Variants in PIEZO1 observed in about 807,000 individuals in gnomAD.
PIEZO1 encodes piezo-type mechanosensitive ion channel component 1.
In PIEZO1, 296 loss-of-function variants were observed where a neutral mutation model predicts 297.2. The observed-to-expected ratio is 1.00, with a 90% CI of 0.91 to 1.10. The LOEUF (loss-of-function observed/expected upper bound fraction) is 1.10. PIEZO1 is among the 50% of genes least tolerant of loss of function. The pLI, the probability that PIEZO1 is intolerant of heterozygous loss-of-function variation, is 0.00. For synonymous variants in PIEZO1, 2,427 were observed against 1,507.5 expected, an observed-to-expected ratio of 1.61 and a Z score of -14.13; for missense variants, 5,018 against 3,455.5, an observed-to-expected ratio of 1.45 and a Z score of -11.34.
chr16:88,719,729 C>A lies in PIEZO1; in HGVS notation c.6324-8G>T. On this transcript the variant is annotated splice_polypyrimidine_tract_variant and splice_region_variant and intron_variant, in intron 43 of 50. Transcript: ENST00000301015. The stretch of plus-strand genomic sequence containing the variant: ...AACGGCACCAGCCGGAACCTGCCCA[C>A]AGCCAGGGTTCCCGTCAGGTGGGCT... The A allele has an allele frequency of 6.4e-7, 1 of 1,550,648 alleles. No homozygotes were observed. The highest frequency in any genetic ancestry group is 8.7e-7 in the Non-Finnish European group (1 of 1,147,018).
chr16:88,732,735 G>A lies in PIEZO1; in HGVS notation c.2665-3C>T. ...AAGTTGGTGCTGTTGGGGAAGGGCT[G>A]GCAAGAGGCCAGGCATCAGTGCCCC... is the stretch of plus-strand genomic sequence containing the variant. On this transcript the variant is annotated splice_polypyrimidine_tract_variant and splice_region_variant and intron_variant, in intron 19 of 50. Coordinates refer to ENST00000301015, the MANE Select transcript of PIEZO1 (RefSeq NM_001142864.4). The A allele has an allele frequency of 3.2e-6, 5 of 1,543,406 alleles. No individual in the cohort carries two copies. Among genetic ancestry groups the A allele is most frequent in the Non-Finnish European group, 3.5e-6 (4 of 1,142,872 alleles).
intron 1 of PIEZO1, among the ~76,000 whole-genome samples, chr16:88,752,009 T>C (rs1381708609): frequency 6.6e-6 from 1 of 152,184 alleles, no homozygotes; most frequent in Non-Finnish European, 1.5e-5. Context: ...GTCAGAAGCG[T>C]AGGTCCTGGG....
intron 20 of PIEZO1, 25 bp downstream of exon 20, chr16:88,732,582 G>T: frequency 1.3e-6 from 2 of 1,543,532 alleles, no homozygotes; most frequent in Non-Finnish European, 1.8e-6. Context: ...CGCCCGCCCA[G>T]CCGCCCACCA....
intron 1 of PIEZO1, among the ~76,000 whole-genome samples, chr16:88,768,709 G>A (rs1235693105): frequency 6.6e-6 from 1 of 152,176 alleles, no homozygotes; most frequent in Non-Finnish European, 1.5e-5. Context: ...GCCCTTCCTG[G>A]CAGTGAGGGG....
chr16:88,737,428 G>A, intron 10 of PIEZO1, 131 bp downstream of exon 10: 1 of 632,852 alleles, frequency 1.6e-6, no homozygotes, highest in Non-Finnish European at 2.7e-6. Flanking sequence ...TGGATGTCCT[G>A]GGCCCCCGAG....
intron 1 of PIEZO1, among the ~76,000 whole-genome samples, chr16:88,764,284 C>T (rs548713928): frequency 1.2e-4 from 19 of 152,270 alleles, no homozygotes; most frequent in Admixed American, 2.0e-4. Context: ...AATGCCCTCC[C>T]GGCGCCCAGG....
chr16:88,730,084 G>A (rs1904699164), intron 22 of PIEZO1, among the ~76,000 whole-genome samples: 1 of 152,256 alleles, frequency 6.6e-6, no homozygotes, highest in Non-Finnish European at 1.5e-5. Flanking sequence ...CGGGGAGCTG[G>A]CCTCGGTGAT....
intron 10 of PIEZO1, 33 bp downstream of exon 10, chr16:88,737,526 A>T (rs11643304): frequency 5.1e-5 from 73 of 1,428,078 alleles, no homozygotes; most frequent in Non-Finnish European, 6.5e-5. Context: ...CGCCCCCCGC[A>T]CCCAGCCATA....
In PIEZO1 at chr16:88,742,094, G is replaced by C; in HGVS notation, c.285C>G (p.Cys95Trp). ...PRLDQLLGPS[C>W]SRWETLSRHI... ...GTCGCGAGAGGGTCTCCCAGCGGCT[G>C]CCTGCAGAGAAAGACGGGGGAACCC... The change falls in exon 4 of 51, where the codon TGC (cysteine) becomes TGG (tryptophan). Residue 95 changes from cysteine (C) to tryptophan (W), a missense_variant and splice_region_variant. Coordinates refer to ENST00000301015, the MANE Select transcript of PIEZO1 (RefSeq NM_001142864.4). 1 of 1,535,946 alleles carries C rather than the reference G, an allele frequency of 6.5e-7. No homozygotes were observed. The highest frequency in any genetic ancestry group is 8.7e-7 in the Non-Finnish European group (1 of 1,146,752).
At chr16:88,723,434 G>A (rs1904299313) in intron 31 of PIEZO1, 106 bp from the exon 32 acceptor site, 2 of 1,296,958 alleles carry the variant, frequency 1.5e-6, no homozygotes, top group Admixed American at 2.1e-5. Context: ...CCTGCTCTGT[G>A]TCTCCCAGGG....
At chr16:88,721,769 G>C (rs769142353) in intron 37 of PIEZO1, 39 bp downstream of exon 37, 9 of 1,535,242 alleles carry the variant, frequency 5.9e-6, no homozygotes, top group Non-Finnish European at 7.9e-6. Context: ...GTCACGGCGC[G>C]GTGGGCCGGG....
At chr16:88,762,099 G>T (rs1017196273) in intron 1 of PIEZO1, among the ~76,000 whole-genome samples, 1 of 152,200 alleles carries the variant, frequency 6.6e-6, no homozygotes, top group Non-Finnish European at 1.5e-5. Context: ...CAGGAAGGAC[G>T]CAGGTCCCGG....
rs562303097 is a variant in PIEZO1 at position 88,738,083 on chromosome 16, C to G, written c.871G>C (p.Val291Leu). The G allele has an allele frequency of 2.0e-6, 3 of 1,535,852 alleles. No homozygotes were observed. In the African/African-American group the frequency reaches 4.1e-5, roughly 21 times the overall value. Reference protein sequence around the residue: ...WARVLGLKDFVGPTNCSSPHA... With the variant: ...WARVLGLKDFLGPTNCSSPHA... ...GGGCTGGAGCAGTTGGTGGGACCCA[C>G]GAAGTCCTTGAGACCCAGCACCCTG... Residue 291 changes from valine to leucine, a missense_variant, in exon 8 of 51, where the codon GTG (valine) becomes CTG (leucine). Coordinates refer to ENST00000301015, the MANE Select transcript of PIEZO1 (RefSeq NM_001142864.4).
chr16:88,716,519 G>C (rs1335024637), intron 47 of PIEZO1, 36 bp from the exon 48 acceptor site: 2 of 1,537,848 alleles, frequency 1.3e-6, no homozygotes, highest in Non-Finnish European at 1.8e-6. Flanking sequence ...CACTGTAGTG[G>C]GTCCACCCAC....
At position 88,737,586 on chromosome 16, in the gene PIEZO1, C is replaced by T. The variant is rs774509948; in HGVS notation, c.1168G>A (p.Gly390Ser). The T allele has an allele frequency of 5.9e-6, 9 of 1,534,368 alleles. No homozygotes were observed. The highest frequency in any genetic ancestry group is 3.8e-4 in the Middle Eastern group (2 of 5,268). ...ADNCIVHELT[G>S]QSSVLRRPVR... ...GGCCGCCGCAGGACGGAGCTCTGGC[C>T]GGTCAGCTCGTGCACGATGCAGTTA... The change falls in exon 10 of 51, where the codon GGC (glycine) becomes AGC (serine). Residue 390 changes from glycine (G) to serine (S), a missense_variant. Transcript: ENST00000301015.
chr16:88,739,090 G>A (rs1905458865), intron 5 of PIEZO1: 2 of 257,942 alleles, frequency 7.8e-6, no homozygotes. Context: ...ACGCACCCAG[G>A]GAGCAGCGGG....
At chr16:88,724,344 A>C (rs532900064) in intron 30 of PIEZO1, among the ~76,000 whole-genome samples, 1 of 152,124 alleles carries the variant, frequency 6.6e-6, no homozygotes, top group South Asian at 2.1e-4. Context: ...CAGCCTGGCC[A>C]ATATGGTGAA....
In PIEZO1 at chr16:88,738,029, C is replaced by G; in HGVS notation, c.925G>C (p.Asp309His). Residue 309 changes from aspartate to histidine, a missense_variant, in exon 8 of 51, where the codon GAC becomes CAC. Coordinates refer to ENST00000301015, the MANE Select transcript of PIEZO1 (RefSeq NM_001142864.4). Reference sequence around the variant, plus strand: ...CCGGGGCTGGCATACACAGGCCAGTCCAGGCCGGTGTTGAGGACCAGCGCG... The same window carrying G: ...CCGGGGCTGGCATACACAGGCCAGTGCAGGCCGGTGTTGAGGACCAGCGCG... Reference protein sequence around the residue: ...PHALVLNTGLDWPVYASPGVL... With the variant: ...PHALVLNTGLHWPVYASPGVL... 1 of 1,535,722 alleles carries G rather than the reference C, an allele frequency of 6.5e-7. No homozygotes were observed. The highest frequency in any genetic ancestry group is 8.7e-7 in the Non-Finnish European group (1 of 1,146,792).
Position 88,715,588 on chromosome 16 carries a change from G to A in PIEZO1, c.*17C>T. ...CAGCAGGCCGGCTCCTTCCCTCTCG[G>A]GCGCCAGCAGCAGCTCCTACTCCTT... On this transcript the variant is annotated 3_prime_UTR_variant, in exon 51 of 51. Coordinates refer to ENST00000301015, the MANE Select transcript of PIEZO1 (RefSeq NM_001142864.4). 1 of 1,546,500 alleles carries A rather than the reference G, an allele frequency of 6.5e-7. No individual in the cohort carries two copies. The highest frequency in any genetic ancestry group is 8.7e-7 in the Non-Finnish European group (1 of 1,145,268).
Sources: allele counts gnomAD v4.1 joint callset (sites outside exome capture counted in the v4.1 genomes callset), GRCh38; gene constraint gnomAD v4.1.1; transcripts MANE v1.5; gene names NCBI Gene and HGNC (gene_info 2026-07-23, HGNC 2026-07-21).